The following ATXN1 variants were observed in gnomAD, a reference collection of about 807,000 sequenced individuals.
The protein encoded by ATXN1 is ataxin-1.
A neutral mutation model predicts 56.4 loss-of-function variants in ATXN1; 8 were observed. That is an observed-to-expected ratio of 0.14 (90% CI 0.08 to 0.26). The LOEUF is 0.26. ATXN1 is among the 10% of genes least tolerant of loss of function. The probability of loss-of-function intolerance (pLI) is 1.00; values close to 1 mark genes in which losing one functional copy is unlikely to be tolerated. For missense variants in ATXN1, 987 were observed against 1,106.5 expected, an observed-to-expected ratio of 0.89 and a Z score of 1.53; for synonymous variants, 514 against 494.6, an observed-to-expected ratio of 1.04 and a Z score of -0.52.
At chr6:16,721,876 C>T (rs972310813) in intron 2 of ATXN1, among the ~76,000 whole-genome samples, 4 of 152,170 alleles carry the variant, frequency 2.6e-5, no homozygotes, top group African/African-American at 9.7e-5. Context: ...CTTGGAGGAT[C>T]TGATTGAAAG....
intron 6 of ATXN1, among the ~76,000 whole-genome samples, chr6:16,415,970 G>A (rs1271736078): frequency 6.6e-6 from 1 of 151,454 alleles, no homozygotes; most frequent in South Asian, 2.1e-4. Flanking sequence ...CCTCCCTTCA[G>A]AATGAGTGGG....
At chr6:16,378,612 T>G (rs1453972224) in intron 6 of ATXN1, among the ~76,000 whole-genome samples, 1 of 151,972 alleles carries the variant, frequency 6.6e-6, no homozygotes, top group East Asian at 1.9e-4. Context: ...GAGGCTGGAG[T>G]GCAGTGGTGC....
rs1477662596 is a variant in ATXN1, at chr6:16,505,698, C to T, written c.-299+16929G>A. Among the ~76,000 whole-genome samples, 5 of 152,224 alleles carry T rather than the reference C, an allele frequency of 3.3e-5. 1 individual carries two copies. The East Asian group carries it at 7.7e-4, about 24-fold the overall frequency. The stretch of plus-strand genomic sequence containing the variant: ...CGGAAATATTGTACCATCACTGACC[C>T]GTGTACACGGTTATGAGGCTCCGAT... On this transcript the variant is annotated intron_variant, in intron 5 of 7. Coordinates refer to ENST00000436367, the MANE Select transcript of ATXN1 (RefSeq NM_001128164.2).
intron 6 of ATXN1, among the ~76,000 whole-genome samples, chr6:16,344,312 G>A (rs754249870): frequency 6.6e-6 from 1 of 152,238 alleles, no homozygotes; most frequent in Non-Finnish European, 1.5e-5. Flanking sequence ...TTAATACTGA[G>A]TGTCAACTTG....
chr6:16,458,908 C>T (rs1030429448), intron 6 of ATXN1, among the ~76,000 whole-genome samples: 3 of 152,210 alleles, frequency 2.0e-5, no homozygotes, highest in African/African-American at 7.2e-5. Flanking sequence ...ATGTCATCAC[C>T]CTCACTGAGC....
intron 6 of ATXN1, among the ~76,000 whole-genome samples, chr6:16,340,817 C>A (rs1330609950): frequency 6.6e-6 from 1 of 152,144 alleles, no homozygotes; most frequent in Admixed American, 6.5e-5. Flanking sequence ...AATTGGTATA[C>A]CCCAAACTGT....
At chr6:16,659,810 A>G (rs1332043898) in intron 2 of ATXN1, among the ~76,000 whole-genome samples, 1 of 152,174 alleles carries the variant, frequency 6.6e-6, no homozygotes, top group South Asian at 2.1e-4. Flanking sequence ...TTTCTGGATT[A>G]TATTATTTTC....
Position 16,300,801 on chromosome 6 carries a change from ATC to A in ATXN1, c.*5526_*5527del, listed in dbSNP as rs1330884206. 1 of 152,648 alleles carries A rather than the reference ATC, an allele frequency of 6.6e-6. No homozygotes were observed. The highest frequency in any genetic ancestry group is 1.5e-5 in the Non-Finnish European group (1 of 68,042). The allele number at this position is 152,648 out of a possible 1,614,324, so 9.5% of individuals were successfully genotyped here. ...GGAAGTGCTGAAAATGTCAAACATC[ATC>A]TCTGAAGAAAAAGAAGTTGCAATGG... On this transcript the variant is annotated 3_prime_UTR_variant, in exon 8 of 8. Transcript: ENST00000436367.
At chr6:16,707,145 G>C (rs764747568) in intron 2 of ATXN1, among the ~76,000 whole-genome samples, 6 of 151,782 alleles carry the variant, frequency 4.0e-5, no homozygotes, top group Non-Finnish European at 8.8e-5. Flanking sequence ...CAGCACTTGA[G>C]ACAGAAATGT....
intron 4 of ATXN1, among the ~76,000 whole-genome samples, chr6:16,538,909 C>T (rs1224031525): frequency 6.6e-6 from 1 of 152,208 alleles, no homozygotes; most frequent in Non-Finnish European, 1.5e-5. Flanking sequence ...TGGTCTCGAA[C>T]TCCTGACCTC....
intron 3 of ATXN1, among the ~76,000 whole-genome samples, chr6:16,617,837 T>C (rs1270163241): frequency 2.0e-5 from 3 of 151,070 alleles, no homozygotes; most frequent in Non-Finnish European, 4.4e-5. Flanking sequence ...TTAATAAAGA[T>C]GATGTCTCCT....
intron 6 of ATXN1, among the ~76,000 whole-genome samples, chr6:16,380,658 G>A (rs578056290): frequency 6.4e-4 from 97 of 152,202 alleles, no homozygotes; most frequent in African/African-American, 2.2e-3. Flanking sequence ...CAGGCTTGTA[G>A]GCCATAAATA....
chr6:16,507,217 C>T (rs1251117269), intron 5 of ATXN1, among the ~76,000 whole-genome samples: 1 of 152,128 alleles, frequency 6.6e-6, no homozygotes, highest in Non-Finnish European at 1.5e-5. Context: ...TATTCCTACC[C>T]TTGTCAGCCA....
At chr6:16,475,840 C>A (rs1243220741) in intron 6 of ATXN1, among the ~76,000 whole-genome samples, 1 of 151,570 alleles carries the variant, frequency 6.6e-6, no homozygotes, top group Non-Finnish European at 1.5e-5. Context: ...GGACAGAGCC[C>A]AAGGTGTCCC....
intron 6 of ATXN1, among the ~76,000 whole-genome samples, chr6:16,397,409 G>A (rs2113530527): frequency 6.6e-6 from 1 of 152,146 alleles, no homozygotes; most frequent in South Asian, 2.1e-4. Context: ...AATTACAGGT[G>A]CCCACCACCA....
At chr6:16,474,996 G>A (rs549735251) in intron 6 of ATXN1, among the ~76,000 whole-genome samples, 6 of 151,604 alleles carry the variant, frequency 4.0e-5, no homozygotes, top group South Asian at 2.1e-4. Context: ...ACCTAGACAC[G>A]GTAACCACAT....
At chr6:16,754,800 T>C (rs1474864541) in intron 1 of ATXN1, 1 of 152,192 alleles carries the variant, frequency 6.6e-6, no homozygotes, top group Non-Finnish European at 1.5e-5. Context: ...GTCTTTCAGA[T>C]CTTTAGAAGG....
chr6:16,452,181 G>A (rs1420232173), intron 6 of ATXN1, among the ~76,000 whole-genome samples: 1 of 152,148 alleles, frequency 6.6e-6, no homozygotes. Context: ...AAAGAAACAC[G>A]ATGTTTGGTC....
chr6:16,391,840 C>A (rs1284060703), intron 6 of ATXN1, among the ~76,000 whole-genome samples: 7 of 152,168 alleles, frequency 4.6e-5, no homozygotes, highest in Non-Finnish European at 1.0e-4. Context: ...CTTTTTATTT[C>A]TCTGCCCTCA....
Sources: gnomAD v4.1 joint callset for allele counts (sites outside exome capture counted in the v4.1 genomes callset) on GRCh38, gnomAD v4.1.1 for gene constraint, MANE v1.5 for transcripts, NCBI Gene and HGNC (gene_info 2026-07-23, HGNC 2026-07-21) for gene names.